The following MAP4K4 variants were observed in gnomAD, a reference collection of about 807,000 sequenced individuals.
The protein encoded by MAP4K4 is mitogen-activated protein kinase kinase kinase kinase 4, also known as HPK/GCK-like kinase HGK.
Under a neutral mutation model 189.6 loss-of-function variants are expected in MAP4K4, and 38 were observed. The ratio of observed to expected loss-of-function variants is 0.20; its 90% CI spans 0.15 to 0.26. The LOEUF (loss-of-function observed/expected upper bound fraction) is 0.26, where lower values mean the gene tolerates loss of function less well. Ranked by LOEUF, MAP4K4 falls within the 10% of genes least tolerant of loss-of-function variation. MAP4K4 has a pLI of 1.00. For synonymous variants in MAP4K4, 610 were observed against 624.3 expected (o/e 0.98, Z 0.34); for missense variants, 1,054 against 1,726.9 (o/e 0.61, Z 6.91).
At chr2:101,852,482 C>G (rs184834761) in intron 12 of MAP4K4, among the ~76,000 whole-genome samples, 1 of 152,012 alleles carries the variant, frequency 6.6e-6, no homozygotes, top group East Asian at 1.9e-4. Flanking sequence ...TTTGGAGTCT[C>G]TTTTGTGTTG....
At chr2:101,857,520 T>C (rs1318269519) in intron 13 of MAP4K4, among the ~76,000 whole-genome samples, 1 of 152,226 alleles carries the variant, frequency 6.6e-6, no homozygotes, top group African/African-American at 2.4e-5. Context: ...TTCTGTTTTG[T>C]TCAAAAAAGA....
At chr2:101,762,263 T>C (rs2076818998) in intron 2 of MAP4K4, among the ~76,000 whole-genome samples, 1 of 152,196 alleles carries the variant, frequency 6.6e-6, no homozygotes, top group South Asian at 2.1e-4. Context: ...AGTAAGAGAA[T>C]ATGGAGTCTG....
intron 9 of MAP4K4, among the ~76,000 whole-genome samples, chr2:101,839,314 A>G (rs1362082740): frequency 6.6e-6 from 1 of 152,240 alleles, no homozygotes; most frequent in Non-Finnish European, 1.5e-5. Context: ...AACAGAGGGA[A>G]CTGACAAATC....
At chr2:101,747,691 GC>G (rs200723678) in intron 2 of MAP4K4, among the ~76,000 whole-genome samples, 12 of 151,694 alleles carry the variant, frequency 7.9e-5, no homozygotes, top group Non-Finnish European at 1.0e-4. Context: ...TTTTTTCCCT[GC>G]CCCCCCTTCT....
intron 2 of MAP4K4, among the ~76,000 whole-genome samples, chr2:101,711,178 G>A (rs1223614923): frequency 1.3e-5 from 2 of 152,222 alleles, no homozygotes; most frequent in South Asian, 2.1e-4. Flanking sequence ...TGGTCCCCAC[G>A]ACGTTAGGGC....
chr2:101,863,367 A>T (rs1416115479), intron 16 of MAP4K4, among the ~76,000 whole-genome samples: 1 of 152,174 alleles, frequency 6.6e-6, no homozygotes, highest in African/African-American at 2.4e-5. Flanking sequence ...CTGGTGTAAA[A>T]TGTGACACTG....
intron 3 of MAP4K4, among the ~76,000 whole-genome samples, chr2:101,820,956 A>G (rs1052247649): frequency 6.6e-6 from 1 of 152,198 alleles, no homozygotes; most frequent in Non-Finnish European, 1.5e-5. Flanking sequence ...CTCATGTTTT[A>G]TGTAGTAAAA....
At position 101,743,075 on chromosome 2, in the gene MAP4K4, G is replaced by T. The variant is rs117525651; in HGVS notation, c.123+44537G>T. Among the ~76,000 whole-genome samples, 219 of 152,266 alleles carry T rather than the reference G, an allele frequency of 1.4e-3. 4 individuals carry two copies. The East Asian group carries it at 0.035, about 24-fold the overall frequency. On this transcript the variant is annotated intron_variant, in intron 2 of 32. Coordinates refer to ENST00000324219, the Ensembl canonical transcript of MAP4K4. ...GTTTTCTGCTTGGGAAGACTGGTGA[G>T]ACTGGAGCAAGATGAACTCAGTTTT...
At chr2:101,875,007 G>T (rs2098160257) in intron 26 of MAP4K4, among the ~76,000 whole-genome samples, 1 of 152,130 alleles carries the variant, frequency 6.6e-6, no homozygotes, top group African/African-American at 2.4e-5. Context: ...CCCATATTTT[G>T]TGTAGTTATT....
chr2:101,752,219 G>A (rs2069470133), intron 2 of MAP4K4, among the ~76,000 whole-genome samples: 4 of 152,134 alleles, frequency 2.6e-5, no homozygotes, highest in Admixed American at 2.6e-4. Flanking sequence ...CATGCCCAAG[G>A]GTAAATGAAG....
chr2:101,706,081 C>T (rs1389166436), intron 2 of MAP4K4, among the ~76,000 whole-genome samples: 5 of 152,066 alleles, frequency 3.3e-5, no homozygotes, highest in Non-Finnish European at 5.9e-5. Context: ...AGTTATGAAT[C>T]GATAGTTATA....
Position 101,871,489 on chromosome 2 carries a change from T to C in MAP4K4, c.2761-5T>C. ...GCGAGACAAGTGTGCCTGTTTTTTC[T>C]ACAGAGTACAGTTGACCAAAAGCGT... On this transcript the variant is annotated splice_region_variant and splice_polypyrimidine_tract_variant and intron_variant, in intron 23 of 32. Transcript: ENST00000324219. 1 of 1,527,636 alleles carries C rather than the reference T, an allele frequency of 6.5e-7. No homozygotes were observed. Among genetic ancestry groups the C allele is most frequent in the Non-Finnish European group, 8.8e-7 (1 of 1,140,646 alleles). 94.6% of individuals were successfully genotyped at this position (1,527,636 alleles called of 1,614,324 possible).
In MAP4K4 at chr2:101,885,327, T is replaced by C. The variant is rs755622433; in HGVS notation, c.3621+40T>C. The C allele has an allele frequency of 8.4e-6, 10 of 1,192,892 alleles. No homozygotes were observed. In the Admixed American group the frequency reaches 2.2e-4, roughly 26 times the overall value. The allele number at this position is 1,192,892 out of a possible 1,614,324, so 73.9% of individuals were successfully genotyped here. A position where few individuals can be genotyped will look rare whatever the true frequency, so the allele number is the denominator to read the frequency against. On this transcript the variant is annotated intron_variant, in intron 29 of 32. Transcript: ENST00000324219. ...TGAATTTAAAAGTAGTATTGGCCAT[T>C]CAAGCTGCAACCAAGAGTCAGGGAA...
intron 2 of MAP4K4, among the ~76,000 whole-genome samples, chr2:101,730,781 C>T (rs1185546595): frequency 6.6e-6 from 1 of 152,148 alleles, no homozygotes; most frequent in Non-Finnish European, 1.5e-5. Flanking sequence ...GGTGTGGTGG[C>T]TCATGCCTGT....
chr2:101,775,243 G>A (rs2083458441), intron 2 of MAP4K4, among the ~76,000 whole-genome samples: 1 of 151,708 alleles, frequency 6.6e-6, no homozygotes, highest in Admixed American at 6.6e-5. Flanking sequence ...AGAACAACAT[G>A]GGGTGTTTGG....
At chr2:101,765,341 A>T (rs1315005946) in intron 2 of MAP4K4, among the ~76,000 whole-genome samples, 2 of 152,132 alleles carry the variant, frequency 1.3e-5, no homozygotes, top group Non-Finnish European at 2.9e-5. Context: ...GTTTTTAGAG[A>T]TGAAGTATTT....
At chr2:101,711,147 G>T (rs2045270891) in intron 2 of MAP4K4, among the ~76,000 whole-genome samples, 1 of 152,202 alleles carries the variant, frequency 6.6e-6, no homozygotes, top group Admixed American at 6.5e-5. Flanking sequence ...TACACATGGG[G>T]AGACTGCTTT....
chr2:101,879,762 T>C (rs976631376), intron 27 of MAP4K4, among the ~76,000 whole-genome samples: 7 of 151,672 alleles, frequency 4.6e-5, no homozygotes, highest in African/African-American at 1.7e-4. Context: ...ACATGTTAGG[T>C]TGATTTTGCC....
At chr2:101,855,250 G>A (rs1231860930) in intron 12 of MAP4K4, among the ~76,000 whole-genome samples, 2 of 152,206 alleles carry the variant, frequency 1.3e-5, no homozygotes, top group Non-Finnish European at 2.9e-5. Flanking sequence ...TGTATGGGCC[G>A]TAGAGGCAGA....
Sources: allele counts gnomAD v4.1 joint callset (sites outside exome capture counted in the v4.1 genomes callset), GRCh38; gene constraint gnomAD v4.1.1; transcripts MANE v1.5; gene names NCBI Gene and HGNC (gene_info 2026-07-23, HGNC 2026-07-21).